The following PIEZO1 variants were observed in gnomAD, a reference collection of about 807,000 sequenced individuals.
PIEZO1 encodes the protein piezo-type mechanosensitive ion channel component 1.
A neutral mutation model predicts 297.2 loss-of-function variants in PIEZO1; 296 were observed. The ratio of observed to expected loss-of-function variants is 1.00; its 90% CI spans 0.91 to 1.10. PIEZO1 has a LOEUF of 1.10. PIEZO1 is among the 50% of genes least tolerant of loss of function. PIEZO1 has a pLI of 0.00. For missense variants in PIEZO1, 5,018 were observed against 3,455.5 expected (o/e 1.45, Z -11.34); for synonymous variants, 2,427 against 1,507.5 (o/e 1.61, Z -14.13).
At chr16:88,741,327 G>T (rs1905639624) in intron 5 of PIEZO1, 151 bp downstream of exon 5, 2 of 687,308 alleles carry the variant, frequency 2.9e-6, no homozygotes, top group South Asian at 2.0e-5. Context: ...GGGCCCCGGG[G>T]TGGGATTTGG....
At position 88,723,218 on chromosome 16, in the gene PIEZO1, C is replaced by A; in HGVS notation, c.4438+8G>T. The A allele has an allele frequency of 2.6e-6, 4 of 1,548,350 alleles. No individual in the cohort carries two copies. The highest frequency in any genetic ancestry group is 3.5e-6 in the Non-Finnish European group (4 of 1,146,840). ...TTCCCCTCAGAGTCCCCACGCCCCC[C>A]AGCTCACCTGTGGGTAGCTGTCCTG... On this transcript the variant is annotated splice_region_variant and intron_variant, in intron 32 of 50. Transcript: ENST00000301015.
At chr16:88,753,009 G>A (rs570876334) in intron 1 of PIEZO1, among the ~76,000 whole-genome samples, 13 of 152,030 alleles carry the variant, frequency 8.6e-5, no homozygotes, top group African/African-American at 2.4e-4. Flanking sequence ...CCCAGGTGGC[G>A]GCCACTCACC....
chr16:88,755,611 C>A (rs1906616019), intron 1 of PIEZO1, among the ~76,000 whole-genome samples: 1 of 152,258 alleles, frequency 6.6e-6, no homozygotes, highest in South Asian at 2.1e-4. Flanking sequence ...TACCAACACA[C>A]TTGCTCTGTC....
In PIEZO1 at chr16:88,736,693, G is replaced by C; in HGVS notation, c.1242C>G (p.Ser414Arg). 2 of 1,532,900 alleles carry C rather than the reference G, an allele frequency of 1.3e-6. No individual in the cohort carries two copies. Among genetic ancestry groups the C allele is most frequent in the Non-Finnish European group, 1.7e-6 (2 of 1,145,646 alleles). The allele number at this position is 1,532,900 out of a possible 1,614,324, so 95.0% of individuals were successfully genotyped here. Residue 414 changes from serine to arginine, a missense_variant, in exon 11 of 51, where the codon AGC becomes AGG. Transcript: ENST00000301015. ...AEPREASPLH[S>R]LGHLIMDQSY... Reference sequence around the variant, plus strand: ...TCTGGTCCATGATGAGGTGGCCCAGGCTGTGGAGCGGAGACGCCTCCCTGG... The same window carrying C: ...TCTGGTCCATGATGAGGTGGCCCAGCCTGTGGAGCGGAGACGCCTCCCTGG...
chr16:88,770,255 G>A (rs572361075), intron 1 of PIEZO1, among the ~76,000 whole-genome samples: 274 of 152,280 alleles, frequency 1.8e-3, no homozygotes, highest in Non-Finnish European at 2.8e-3. Flanking sequence ...CTCCCAGGAC[G>A]TATCCCCGAG....
At chr16:88,722,166 C>T in intron 36 of PIEZO1, 52 bp downstream of exon 36, 2 of 1,526,806 alleles carry the variant, frequency 1.3e-6, no homozygotes, top group Non-Finnish European at 1.8e-6. Context: ...CCCTGTTCGG[C>T]TGCTCCCCGA....
Position 88,784,974 on chromosome 16 carries a change from GC to G in PIEZO1, c.-11del. ...GCACGTGCGGCTCCATGGCTGGAGG[GC>G]CCAGGGCCCGGCCCAGACCGAGCGG... On this transcript the variant is annotated 5_prime_UTR_variant, in exon 1 of 51. Transcript: ENST00000301015. 3 of 1,334,126 alleles carry G rather than the reference GC, an allele frequency of 2.2e-6. No homozygotes were observed. The highest frequency in any genetic ancestry group is 1.5e-5 in the African/African-American group (1 of 65,910). 82.6% of individuals were successfully genotyped at this position (1,334,126 alleles called of 1,614,324 possible). A position where few individuals can be genotyped will look rare whatever the true frequency, so the allele number is the denominator to read the frequency against.
At chr16:88,720,322 C>A in intron 41 of PIEZO1, 39 bp from the exon 42 acceptor site, 1 of 1,550,098 alleles carries the variant, frequency 6.5e-7, no homozygotes, top group South Asian at 1.2e-5. Context: ...GAGCCAAGCC[C>A]AGGGGATGTG....
chr16:88,721,449 T>C lies in PIEZO1; in HGVS notation c.5404-19A>G, dbSNP rs1240012946. 6.5e-7 allele frequency: 1 copy of C among 1,540,466 alleles called. No individual in the cohort carries two copies. Among genetic ancestry groups the C allele is most frequent in the East Asian group, 2.5e-5 (1 of 40,654 alleles). On this transcript the variant is annotated intron_variant, in intron 38 of 50. Transcript: ENST00000301015. ...CATAGCACTGAGGGGCGGGAGGGTG[T>C]GGTGAGGGGGCCTTGCCTCCCTGGT...
At chr16:88,770,325 C>T (rs1326024473) in intron 1 of PIEZO1, among the ~76,000 whole-genome samples, 1 of 152,210 alleles carries the variant, frequency 6.6e-6, no homozygotes, top group Non-Finnish European at 1.5e-5. Context: ...ACACCTGCCC[C>T]CCAGCCGGGC....
intron 1 of PIEZO1, among the ~76,000 whole-genome samples, chr16:88,751,355 C>T (rs1464684569): frequency 6.6e-6 from 1 of 152,216 alleles, no homozygotes; most frequent in African/African-American, 2.4e-5. Flanking sequence ...GGGTCAGGGG[C>T]ACACGGCAAA....
At chr16:88,740,396 C>G (rs1263433462) in intron 5 of PIEZO1, 1 of 152,444 alleles carries the variant, frequency 6.6e-6, no homozygotes, top group Non-Finnish European at 1.5e-5. Context: ...TTCCCAGCAG[C>G]CAAACTCTAG....
chr16:88,760,307 G>A lies in PIEZO1; in HGVS notation c.65-10828C>T, dbSNP rs1906872601. ...CCACCCCAAGCTGAGGACTGAGGAA[G>A]CCCCTCTTCCTGCCTCATGGACAAA... On this transcript the variant is annotated intron_variant, in intron 1 of 50. Coordinates refer to ENST00000301015, the MANE Select transcript of PIEZO1 (RefSeq NM_001142864.4). Among the ~76,000 whole-genome samples, 3 of 152,326 alleles carry A rather than the reference G, an allele frequency of 2.0e-5. No individual in the cohort carries two copies. The Middle Eastern group carries it at 0.01, about 518-fold the overall frequency.
At position 88,734,795 on chromosome 16, in the gene PIEZO1, A is replaced by C; in HGVS notation, c.1852T>G (p.Tyr618Asp). Residue 618 changes from tyrosine to aspartate, a missense_variant, in exon 15 of 51, where the codon TAC becomes GAC. By Grantham distance (160) the Tyr-to-Asp change is radical (BLOSUM62 -3). Transcript: ENST00000301015. Reference protein sequence around the residue: ...FLLCLTLFQVYYSLWRKLLKA... With the variant: ...FLLCLTLFQVDYSLWRKLLKA... ...AGCAGCTTCCGCCACAGGCTGTAGT[A>C]GACCTGCCGGGTGAGGTGGGGGTGG... is the stretch of plus-strand genomic sequence containing the variant. The C allele has an allele frequency of 6.5e-7, 1 of 1,550,260 alleles. No individual in the cohort carries two copies. Among genetic ancestry groups the C allele is most frequent in the Non-Finnish European group, 8.7e-7 (1 of 1,146,926 alleles).
Position 88,720,436 on chromosome 16 carries a change from C to G in PIEZO1, c.5898G>C (p.Leu1966=). ...AATDVYALMF[L]ADVVDFIIII... is the part of the protein sequence containing the mutation. ...TGATGATGAAGTCGACAACATCAGCCAGGAACATGAGGGCATAGACGTCGG... is the reference window on the plus strand; with the variant it reads ...TGATGATGAAGTCGACAACATCAGCGAGGAACATGAGGGCATAGACGTCGG... Residue 1966 remains leucine (L), a synonymous_variant, in exon 41 of 51, where the codon CTG becomes CTC. Transcript: ENST00000301015. 1 of 1,550,466 alleles carries G rather than the reference C, an allele frequency of 6.4e-7. No homozygotes were observed. The highest frequency in any genetic ancestry group is 2.4e-5 in the East Asian group (1 of 40,918).
chr16:88,784,498 T>C (rs1227617520), intron 1 of PIEZO1, among the ~76,000 whole-genome samples: 1 of 151,608 alleles, frequency 6.6e-6, no homozygotes, highest in Non-Finnish European at 1.5e-5. Flanking sequence ...GCTTTTTTTT[T>C]TAAACCCGAA....
intron 22 of PIEZO1, among the ~76,000 whole-genome samples, chr16:88,729,501 C>T (rs1904660386): frequency 1.6e-5 from 2 of 123,204 alleles, no homozygotes; most frequent in African/African-American, 5.9e-5. Flanking sequence ...AACAAAGTGA[C>T]CCTCGATGCT....
chr16:88,764,633 C>T (rs1434269750), intron 1 of PIEZO1, among the ~76,000 whole-genome samples: 1 of 151,852 alleles, frequency 6.6e-6, no homozygotes, highest in African/African-American at 2.4e-5. Flanking sequence ...TACCTGTAAT[C>T]CCAGCTACTC....
At position 88,731,812 on chromosome 16, in the gene PIEZO1, G is replaced by C; in HGVS notation, c.3090C>G (p.His1030Gln). Residue 1030 changes from histidine to glutamine, a missense_variant, in exon 22 of 51, where the codon CAC becomes CAG. By Grantham distance (24) the His-to-Gln change is conservative. Transcript: ENST00000301015. ...CWLVAILTRR[H>Q]RQAIARLWPN... ...GCCAGAGGCGGGCAATGGCCTGGCGGTGCCTGCGGGTGAGGATGGCCACCA... is the reference window on the plus strand; with the variant it reads ...GCCAGAGGCGGGCAATGGCCTGGCGCTGCCTGCGGGTGAGGATGGCCACCA... The C allele has an allele frequency of 2.0e-6, 3 of 1,516,228 alleles. No homozygotes were observed. Among genetic ancestry groups the C allele is most frequent in the Non-Finnish European group, 2.7e-6 (3 of 1,127,538 alleles). The allele number at this position is 1,516,228 out of a possible 1,614,324, so 93.9% of individuals were successfully genotyped here.
Sources: gnomAD v4.1 joint callset for allele counts (sites outside exome capture counted in the v4.1 genomes callset) on GRCh38, gnomAD v4.1.1 for gene constraint, MANE v1.5 for transcripts, NCBI Gene and HGNC (gene_info 2026-07-23, HGNC 2026-07-21) for gene names.